The following ADGRD1 variants were observed in gnomAD, a reference collection of about 807,000 sequenced individuals.
ADGRD1 encodes adhesion G protein-coupled receptor D1.
Under a neutral mutation model 113.4 loss-of-function variants are expected in ADGRD1, and 77 were observed. The ratio of observed to expected loss-of-function variants is 0.68; its 90% CI spans 0.57 to 0.82. The LOEUF (loss-of-function observed/expected upper bound fraction) is 0.82, where lower values mean the gene tolerates loss of function less well. Ranked by LOEUF, ADGRD1 falls within the 40% of genes least tolerant of loss-of-function variation. ADGRD1 has a pLI of 0.00. For missense variants in ADGRD1, 1,036 were observed against 1,139.1 expected, an observed-to-expected ratio of 0.91 and a Z score of 1.30; for synonymous variants, 474 against 475.0, an observed-to-expected ratio of 1.00 and a Z score of 0.03.
At chr12:130,994,273 T>C (rs1272024625) in intron 8 of ADGRD1, 1 of 452,042 alleles carries the variant, frequency 2.2e-6, no homozygotes, top group Non-Finnish European at 4.5e-6. Flanking sequence ...ATGCAGTAAG[T>C]GCTTTATTAA....
rs373785431 is a variant in ADGRD1, at chr12:131,129,334, T to C, written c.2176-2391T>C. 3.6e-3 allele frequency among the ~76,000 whole-genome samples: 298 copies of C among 83,214 alleles called. 21 individuals are homozygous for C. The highest frequency in any genetic ancestry group is 9.1e-3 in the African/African-American group (136 of 14,932). 54.6% of individuals were successfully genotyped at this position (83,214 alleles called of 152,430 possible). On this transcript the variant is annotated intron_variant, in intron 20 of 24. Coordinates refer to ENST00000261654, the MANE Select transcript of ADGRD1 (RefSeq NM_198827.5). ...GCTGTCTGGGTGTGAGTGACAGGCC[T>C]GCCCTCCTGTCTGGGTGTGAGTGAC...
intron 20 of ADGRD1, 130 bp downstream of exon 20, chr12:131,121,043 T>G: frequency 1.3e-6 from 1 of 766,096 alleles, no homozygotes. Context: ...CCTCGGTCAC[T>G]CCTCGCTAGG....
chr12:131,091,229 C>G (rs374236534), intron 15 of ADGRD1, among the ~76,000 whole-genome samples: 1 of 152,038 alleles, frequency 6.6e-6, no homozygotes, highest in South Asian at 2.1e-4. Flanking sequence ...CAGAACAGAC[C>G]CTGTAACTTC....
chr12:131,042,956 C>T (rs1223974862), intron 13 of ADGRD1, among the ~76,000 whole-genome samples: 1 of 152,240 alleles, frequency 6.6e-6, no homozygotes, highest in Non-Finnish European at 1.5e-5. Flanking sequence ...GAGTGTCTGC[C>T]CATGCGAGGC....
intron 13 of ADGRD1, among the ~76,000 whole-genome samples, chr12:131,015,613 T>TGGAGATGGAGTTGGAGAC (rs1878474833): frequency 2.1e-5 from 3 of 142,976 alleles, no homozygotes; most frequent in Non-Finnish European, 4.5e-5. Context: ...GAGTTGGAGA[T>TGGAGATGGAGTTGGAGAC]GGAGATGGAG....
chr12:130,975,299 G>A (rs1872181506), intron 4 of ADGRD1, among the ~76,000 whole-genome samples: 1 of 152,112 alleles, frequency 6.6e-6, no homozygotes, highest in Admixed American at 6.5e-5. Context: ...CACGGCCGAC[G>A]ATGGCCTGTC....
intron 4 of ADGRD1, among the ~76,000 whole-genome samples, chr12:130,973,909 G>A (rs1871992641): frequency 1.3e-5 from 2 of 152,176 alleles, no homozygotes; most frequent in East Asian, 3.8e-4. Context: ...GCAACACAGT[G>A]AGATCTTGTC....
At chr12:130,993,491 A>G (rs1344626539) in intron 8 of ADGRD1, among the ~76,000 whole-genome samples, 1 of 151,304 alleles carries the variant, frequency 6.6e-6, no homozygotes, top group Non-Finnish European at 1.5e-5. Flanking sequence ...TGAGGGAGTG[A>G]TGACAGGTCA....
intron 8 of ADGRD1, among the ~76,000 whole-genome samples, chr12:130,996,575 G>C (rs1296087020): frequency 2.2e-5 from 3 of 134,640 alleles, no homozygotes; most frequent in African/African-American, 8.6e-5. Context: ...TGGCCGGGCA[G>C]AGGGGCTCCT....
chr12:131,053,537 A>G (rs1197402009), intron 13 of ADGRD1, among the ~76,000 whole-genome samples: 1 of 152,200 alleles, frequency 6.6e-6, no homozygotes, highest in Non-Finnish European at 1.5e-5. Context: ...GTAATCGGCC[A>G]TCACCCCACA....
chr12:131,078,962 C>T (rs747493582), intron 14 of ADGRD1, among the ~76,000 whole-genome samples: 2 of 152,172 alleles, frequency 1.3e-5, no homozygotes, highest in African/African-American at 4.8e-5. Context: ...AGGATTAGAA[C>T]AATCCATCAC....
intron 13 of ADGRD1, among the ~76,000 whole-genome samples, chr12:131,017,096 G>A (rs1472963274): frequency 6.6e-6 from 1 of 152,040 alleles, no homozygotes; most frequent in Non-Finnish European, 1.5e-5. Flanking sequence ...GGGAGGGCAC[G>A]GGCAGAGAGG....
chr12:131,125,762 A>G (rs975893333), intron 20 of ADGRD1, among the ~76,000 whole-genome samples: 14 of 152,346 alleles, frequency 9.2e-5, no homozygotes, highest in East Asian at 3.9e-4. Context: ...AATGCATTTA[A>G]TACATATAAC....
intron 13 of ADGRD1, among the ~76,000 whole-genome samples, chr12:131,036,071 C>T (rs563107020): frequency 2.0e-5 from 3 of 152,304 alleles, no homozygotes; most frequent in South Asian, 4.1e-4. Context: ...TTTGGTGAGG[C>T]TGCTCCTGTT....
chr12:131,079,631 A>G (rs1317473758), intron 14 of ADGRD1, among the ~76,000 whole-genome samples: 2 of 152,348 alleles, frequency 1.3e-5, no homozygotes, highest in South Asian at 4.1e-4. Context: ...CAGGTTTTCA[A>G]CTACACATTC....
Position 130,971,313 on chromosome 12 carries a change from GA to G in ADGRD1, c.188-143del, listed in dbSNP as rs1871615972. On this transcript the variant is annotated intron_variant, in intron 3 of 24. Transcript: ENST00000261654. This position sits in a 1 kb window ranked among gnomAD's most constrained non-coding sequence, Gnocchi z 4.2. ...TACTGATGCTATGAATATTATCATAGAATAATATATGATGTTATAAATATAT... is the reference window on the plus strand; with the variant it reads ...TACTGATGCTATGAATATTATCATAGATAATATATGATGTTATAAATATAT... 2.6e-6 allele frequency: 1 copy of G among 387,074 alleles called. No individual in the cohort carries two copies. The allele number at this position is 387,074 out of a possible 1,614,324, so 24.0% of individuals were successfully genotyped here.
chr12:131,084,495 A>G lies in ADGRD1; in HGVS notation c.1548-45A>G. On this transcript the variant is annotated intron_variant, in intron 14 of 24. Transcript: ENST00000261654. The surrounding 1 kb of genome is among the most constrained non-coding windows in gnomAD (Gnocchi z 4.5). ...GCTGCTCTCAGTCCCCTGCCTGCCAAGGGTGCGGTGCTACCTCCTCTGATC... is the reference window on the plus strand; with the variant it reads ...GCTGCTCTCAGTCCCCTGCCTGCCAGGGGTGCGGTGCTACCTCCTCTGATC... 6.2e-7 allele frequency: 1 copy of G among 1,612,182 alleles called. No individual in the cohort carries two copies. The highest frequency in any genetic ancestry group is 8.5e-7 in the Non-Finnish European group (1 of 1,178,986).
intron 13 of ADGRD1, 32 bp downstream of exon 13, chr12:131,014,372 C>T (rs1376668650): frequency 6.3e-7 from 1 of 1,591,724 alleles, no homozygotes; most frequent in Admixed American, 1.7e-5. Context: ...CTTGTCGCCG[C>T]CTTTGATCTG....
chr12:131,139,057 G>T (rs539034770), intron 24 of ADGRD1, 111 bp from the exon 25 acceptor site: 6 of 764,298 alleles, frequency 7.9e-6, no homozygotes, highest in South Asian at 3.5e-5. Context: ...CTTTCCTCCC[G>T]CAGGGAGAAT....
Sources: gnomAD v4.1 joint callset for allele counts (sites outside exome capture counted in the v4.1 genomes callset) on GRCh38, gnomAD v4.1.1 for gene constraint, Gnocchi (gnomAD v3.1) non-coding constraint, MANE v1.5 for transcripts, NCBI Gene and HGNC (gene_info 2026-07-23, HGNC 2026-07-21) for gene names.